Variants in CNTNAP5 observed in about 807,000 individuals in gnomAD.
CNTNAP5 encodes contactin-associated protein-like 5.
Under a neutral mutation model 150.2 loss-of-function variants are expected in CNTNAP5, and 72 were observed. That is an observed-to-expected ratio of 0.48 (90% confidence interval 0.40 to 0.58). The LOEUF is 0.58. Among genes scored for constraint, CNTNAP5 ranks in the 20% least tolerant of loss-of-function variants. The probability of loss-of-function intolerance (pLI) is 0.00; values close to 1 mark genes in which losing one functional copy is unlikely to be tolerated. For synonymous variants in CNTNAP5, 672 were observed against 619.8 expected (o/e 1.08, Z -1.25); for missense variants, 1,636 against 1,626.2 (o/e 1.01, Z -0.10).
intron 10 of CNTNAP5, among the ~76,000 whole-genome samples, chr2:124,543,642 C>T (rs939905627): frequency 5.3e-5 from 8 of 152,178 alleles, no homozygotes; most frequent in Admixed American, 2.6e-4. Context: ...GAATCAGATA[C>T]GGTCCATACA....
chr2:124,796,395 A>G (rs1399340112), intron 18 of CNTNAP5, among the ~76,000 whole-genome samples: 1 of 152,168 alleles, frequency 6.6e-6, no homozygotes, highest in Non-Finnish European at 1.5e-5. Context: ...TGCAGACCAA[A>G]TATCCCTGAG....
At chr2:124,250,924 G>T (rs1027658776) in intron 3 of CNTNAP5, among the ~76,000 whole-genome samples, 2 of 151,984 alleles carry the variant, frequency 1.3e-5, no homozygotes, top group African/African-American at 4.8e-5. Context: ...TCTTAAGTAC[G>T]GTTTCCAGTT....
intron 10 of CNTNAP5, among the ~76,000 whole-genome samples, chr2:124,538,009 A>G (rs1695280046): frequency 6.6e-6 from 1 of 152,098 alleles, no homozygotes; most frequent in South Asian, 2.1e-4. Flanking sequence ...GATGCTGAAA[A>G]CGAAGCCAGA....
intron 4 of CNTNAP5, among the ~76,000 whole-genome samples, chr2:124,419,908 CT>C (rs1229933288): frequency 8.8e-6 from 1 of 113,986 alleles, no homozygotes; most frequent in Non-Finnish European, 1.8e-5. Context: ...TTCTTTCTTT[CT>C]TTCTTTCTTT....
chr2:124,186,352 CAAATA>C (rs1558792170), intron 1 of CNTNAP5, among the ~76,000 whole-genome samples: 1 of 152,064 alleles, frequency 6.6e-6, no homozygotes, highest in East Asian at 1.9e-4. Context: ...TAAAAATATA[CAAATA>C]AAATGTTTAC....
chr2:124,211,169 G>C (rs1304067534), intron 1 of CNTNAP5, among the ~76,000 whole-genome samples: 1 of 152,166 alleles, frequency 6.6e-6, no homozygotes, highest in Non-Finnish European at 1.5e-5. Context: ...AGATGATAAA[G>C]AAAGTGCTAA....
chr2:124,808,097 TC>T (rs147442575), intron 19 of CNTNAP5, among the ~76,000 whole-genome samples: 1 of 152,112 alleles, frequency 6.6e-6, no homozygotes, highest in African/African-American at 2.4e-5. Context: ...ACCAGCCAAA[TC>T]CCACAGCCAC....
intron 12 of CNTNAP5, among the ~76,000 whole-genome samples, chr2:124,631,746 T>C (rs11683235): frequency 0.42 from 63,273 of 152,062 alleles, 15,458 homozygotes; most frequent in Non-Finnish European, 0.56. Flanking sequence ...CTAAAGAGTT[T>C]CTGCACAGCA....
intron 8 of CNTNAP5, among the ~76,000 whole-genome samples, chr2:124,519,589 C>G (rs1694808301): frequency 6.6e-6 from 1 of 152,180 alleles, no homozygotes; most frequent in South Asian, 2.1e-4. Context: ...CCACTTTTCT[C>G]TGTTACATCT....
intron 3 of CNTNAP5, among the ~76,000 whole-genome samples, chr2:124,274,727 T>C (rs1573884015): frequency 2.0e-5 from 3 of 152,120 alleles, no homozygotes; most frequent in South Asian, 4.1e-4. Flanking sequence ...AATTTTTGCA[T>C]TATAATAATA....
rs1388603414 is a variant in CNTNAP5, at chr2:124,419,949, T to C, written c.529+2359T>C. ...CTTTCTTTCTTTCTTTCTTTCTTTC[T>C]TTCTTTCCTTTTCTCTCTCTCTCTT... On this transcript the variant is annotated intron_variant, in intron 4 of 23. Transcript: ENST00000682447. Among the ~76,000 whole-genome samples the C allele has an allele frequency of 4.7e-4, 49 of 103,268 alleles. 1 individual carries two copies. Among genetic ancestry groups the C allele is most frequent in the Non-Finnish European group, 7.9e-4 (41 of 51,692 alleles). The allele number at this position is 103,268 out of a possible 152,430, so 67.7% of individuals were successfully genotyped here. A position where few individuals can be genotyped will look rare whatever the true frequency, so the allele number is the denominator to read the frequency against.
At chr2:124,680,164 G>A (rs2105067681) in intron 13 of CNTNAP5, among the ~76,000 whole-genome samples, 1 of 151,942 alleles carries the variant, frequency 6.6e-6, no homozygotes, top group African/African-American at 2.4e-5. Flanking sequence ...AGGTCAACCA[G>A]ATTCCTCTTT....
intron 11 of CNTNAP5, among the ~76,000 whole-genome samples, chr2:124,598,562 A>T (rs1372086750): frequency 2.0e-5 from 3 of 150,160 alleles, no homozygotes; most frequent in Non-Finnish European, 3.0e-5. Context: ...TCAGACAGGG[A>T]CATTTAAGTC....
chr2:124,891,497 A>G (rs1678193999), intron 21 of CNTNAP5, among the ~76,000 whole-genome samples: 1 of 152,126 alleles, frequency 6.6e-6, no homozygotes, highest in African/African-American at 2.4e-5. Flanking sequence ...TTGATCTACA[A>G]TATGCAGGCA....
chr2:124,300,458 C>T (rs1034671125), intron 3 of CNTNAP5, among the ~76,000 whole-genome samples: 4 of 152,018 alleles, frequency 2.6e-5, no homozygotes, highest in Admixed American at 6.6e-5. Context: ...GAATGAGTCA[C>T]GTGAAGATAG....
At chr2:124,675,396 A>G (rs1161101234) in intron 13 of CNTNAP5, among the ~76,000 whole-genome samples, 41 of 152,078 alleles carry the variant, frequency 2.7e-4, no homozygotes, top group Admixed American at 2.7e-3. Flanking sequence ...CATCATTTAA[A>G]TATTCTCCAT....
At chr2:124,031,160 T>C (rs1005372409) in intron 1 of CNTNAP5, among the ~76,000 whole-genome samples, 3 of 148,928 alleles carry the variant, frequency 2.0e-5, no homozygotes, top group Non-Finnish European at 4.5e-5. Context: ...CACACACACA[T>C]GCCCAGAAAT....
At chr2:124,472,610 T>C (rs994820939) in intron 6 of CNTNAP5, among the ~76,000 whole-genome samples, 1 of 151,402 alleles carries the variant, frequency 6.6e-6, no homozygotes, top group Non-Finnish European at 1.5e-5. Flanking sequence ...CATCATACCT[T>C]GCAGGTATTG....
chr2:124,526,376 T>A (rs1694968324), intron 9 of CNTNAP5, among the ~76,000 whole-genome samples: 1 of 152,208 alleles, frequency 6.6e-6, no homozygotes, highest in Non-Finnish European at 1.5e-5. Context: ...GCCTGTGAGC[T>A]GTTAACCAGC....
Sources: allele counts gnomAD v4.1 joint callset (sites outside exome capture counted in the v4.1 genomes callset), GRCh38; gene constraint gnomAD v4.1.1; transcripts MANE v1.5; gene names NCBI Gene and HGNC (gene_info 2026-07-23, HGNC 2026-07-21).